Variants in LIPC observed in about 807,000 individuals in gnomAD.
LIPC encodes hepatic triacylglycerol lipase.
A neutral mutation model predicts 50.7 loss-of-function variants in LIPC; 44 were observed. The observed-to-expected ratio is 0.87, with a 90% confidence interval of 0.68 to 1.11. The LOEUF (loss-of-function observed/expected upper bound fraction) is 1.11. Ranked by LOEUF, LIPC falls within the 50% of genes most tolerant of loss-of-function variation. The probability of loss-of-function intolerance (pLI) is 0.00; values close to 1 mark genes in which losing one functional copy is unlikely to be tolerated. For synonymous variants in LIPC, 271 were observed against 256.4 expected, an observed-to-expected ratio of 1.06 and a Z score of -0.54; for missense variants, 697 against 648.2, an observed-to-expected ratio of 1.08 and a Z score of -0.82.
chr15:58,504,853 G>A (rs1254889445), intron 1 of LIPC, among the ~76,000 whole-genome samples: 1 of 152,212 alleles, frequency 6.6e-6, no homozygotes, highest in African/African-American at 2.4e-5. Context: ...ATCTCGAGGA[G>A]AGCTGCGCAT....
chr15:58,567,045 C>T (rs1295142049), intron 8 of LIPC, among the ~76,000 whole-genome samples: 2 of 150,826 alleles, frequency 1.3e-5, no homozygotes, highest in South Asian at 2.1e-4. Flanking sequence ...GGCTAAAATA[C>T]AAAAAAATTA....
At chr15:58,502,789 A>C (rs1341936888) in intron 1 of LIPC, among the ~76,000 whole-genome samples, 1 of 152,150 alleles carries the variant, frequency 6.6e-6, no homozygotes, top group East Asian at 1.9e-4. Context: ...CTTCACTTAC[A>C]CAGTCAAAGA....
chr15:58,450,783 A>C (rs1410601424), intron 1 of LIPC, among the ~76,000 whole-genome samples: 1 of 152,056 alleles, frequency 6.6e-6, no homozygotes, highest in Non-Finnish European at 1.5e-5. Flanking sequence ...CCTGGTATTG[A>C]TAAGAGCCCA....
rs1222316864 is a variant in LIPC, at chr15:58,567,214, A to AAT, written c.1389-1487_1389-1486dup. Among the ~76,000 whole-genome samples, 125 of 136,732 alleles carry AAT rather than the reference A, an allele frequency of 9.1e-4. 4 individuals carry two copies. Among genetic ancestry groups the AAT allele is most frequent in the Middle Eastern group, 3.6e-3 (1 of 274 alleles). 89.7% of individuals were successfully genotyped at this position (136,732 alleles called of 152,430 possible). Reference sequence around the variant, plus strand: ...AGACTCCGTCTCAAAAAAAATAAAAAATATATATATATATATGTATATATG... The same window carrying AAT: ...AGACTCCGTCTCAAAAAAAATAAAAAATATATATATATATATATGTATATATG... On this transcript the variant is annotated intron_variant, in intron 8 of 8. Transcript: ENST00000299022.
rs536217864 is a variant in LIPC, at chr15:58,481,317, C to A, written c.88+49197C>A. 3.3e-5 allele frequency among the ~76,000 whole-genome samples: 5 copies of A among 152,286 alleles called. No homozygotes were observed. In the South Asian group the frequency reaches 8.3e-4, roughly 25 times the overall value. On this transcript the variant is annotated intron_variant, in intron 1 of 8. Transcript: ENST00000299022. ...AAAGATTAAAAAAACCATAAATGTC[C>A]TTTGACACAGTAATTGCACTTATAA...
rs1175496997 is a variant in LIPC at position 58,567,218 on chromosome 15, T to A, written c.1389-1498T>A. ...TCCGTCTCAAAAAAAATAAAAAATA[T>A]ATATATATATATGTATATATGTGTG... On this transcript the variant is annotated intron_variant, in intron 8 of 8. Coordinates refer to ENST00000299022, the MANE Select transcript of LIPC (RefSeq NM_000236.3). 6.0e-3 allele frequency among the ~76,000 whole-genome samples: 650 copies of A among 109,148 alleles called. 28 individuals carry two copies. The highest frequency in any genetic ancestry group is 0.013 in the Admixed American group (137 of 10,516). The allele number at this position is 109,148 out of a possible 152,430, so 71.6% of individuals were successfully genotyped here.
intron 1 of LIPC, among the ~76,000 whole-genome samples, chr15:58,501,525 T>C (rs1209162203): frequency 6.6e-6 from 1 of 152,104 alleles, no homozygotes. Flanking sequence ...TCATAGTTGA[T>C]GATGGGGTGG....
At chr15:58,448,975 T>G (rs1893802848) in intron 1 of LIPC, among the ~76,000 whole-genome samples, 1 of 151,958 alleles carries the variant, frequency 6.6e-6, no homozygotes, top group Non-Finnish European at 1.5e-5. Context: ...TGGCCACACA[T>G]GACGAGAAAA....
rs549130875 is a variant in LIPC, at chr15:58,547,238, C to T, written c.809-1092C>T. Among the ~76,000 whole-genome samples, 364 of 152,324 alleles carry T rather than the reference C, an allele frequency of 2.4e-3. 1 individual carries two copies. Among genetic ancestry groups the T allele is most frequent in the Non-Finnish European group, 4.0e-3 (270 of 68,022 alleles). On this transcript the variant is annotated intron_variant, in intron 5 of 8. Transcript: ENST00000299022. ...AGGGTTCCTGGGGTAGTTCTCCCAG[C>T]CACAGCTGCACAGGGGCTCACTGGA...
chr15:58,543,885 T>G (rs868511461), intron 4 of LIPC, among the ~76,000 whole-genome samples: 3 of 152,160 alleles, frequency 2.0e-5, no homozygotes, highest in African/African-American at 7.2e-5. Flanking sequence ...CCTCCCAAAG[T>G]GCTGGGATTA....
In LIPC at chr15:58,461,358, T is replaced by C. The variant is rs536233356; in HGVS notation, c.88+29238T>C. Among the ~76,000 whole-genome samples, 5 of 152,276 alleles carry C rather than the reference T, an allele frequency of 3.3e-5. No individual in the cohort carries two copies. In the South Asian group the frequency reaches 1.0e-3, roughly 32 times the overall value. ...AGAAACTTGCCCAAAGTCACAAAGC[T>C]GGCAACTCCCAGAGCCAGGATTTGA... On this transcript the variant is annotated intron_variant, in intron 1 of 8. Coordinates refer to ENST00000299022, the MANE Select transcript of LIPC (RefSeq NM_000236.3).
intron 6 of LIPC, among the ~76,000 whole-genome samples, chr15:58,554,578 CACTT>C (rs1188475854): frequency 1.4e-5 from 2 of 145,466 alleles, no homozygotes; most frequent in Admixed American, 6.9e-5. Context: ...TAAAGAAAAA[CACTT>C]ACAAAAATCC....
intron 1 of LIPC, among the ~76,000 whole-genome samples, chr15:58,463,216 G>C (rs1894418989): frequency 6.6e-6 from 1 of 152,240 alleles, no homozygotes; most frequent in African/African-American, 2.4e-5. Flanking sequence ...CATGGACATG[G>C]AGGTGGGAGG....
At chr15:58,439,511 T>C (rs547886127) in intron 1 of LIPC, among the ~76,000 whole-genome samples, 1 of 152,334 alleles carries the variant, frequency 6.6e-6, no homozygotes, top group African/African-American at 2.4e-5. Context: ...TGGCACAGTC[T>C]TGGCTCGCAG....
chr15:58,512,633 G>A (rs1305620900), intron 1 of LIPC, among the ~76,000 whole-genome samples: 3 of 152,176 alleles, frequency 2.0e-5, no homozygotes. Flanking sequence ...TTTTAGGAAG[G>A]CAGATGGAGT....
chr15:58,483,494 G>C (rs1363475727), intron 1 of LIPC, among the ~76,000 whole-genome samples: 1 of 152,174 alleles, frequency 6.6e-6, no homozygotes, highest in Non-Finnish European at 1.5e-5. Context: ...CAGGATGTGG[G>C]TGGGGTTGGA....
At chr15:58,548,639 T>A in intron 6 of LIPC, 67 bp downstream of exon 6, 1 of 1,538,786 alleles carries the variant, frequency 6.5e-7, no homozygotes, top group Non-Finnish European at 8.8e-7. Context: ...GGCTCAGAAG[T>A]CCCCTTGGCT....
chr15:58,498,490 A>C (rs1031855606), intron 1 of LIPC: 1 of 152,320 alleles, frequency 6.6e-6, no homozygotes, highest in African/African-American at 2.4e-5. Flanking sequence ...AGATATATAT[A>C]TATACACACA....
At chr15:58,491,871 G>C (rs758638708) in intron 1 of LIPC, among the ~76,000 whole-genome samples, 1 of 152,200 alleles carries the variant, frequency 6.6e-6, no homozygotes, top group African/African-American at 2.4e-5. Flanking sequence ...TGCCTGCCAC[G>C]TGATTCCTAT....
Sources: gnomAD v4.1 joint callset for allele counts (sites outside exome capture counted in the v4.1 genomes callset) on GRCh38, gnomAD v4.1.1 for gene constraint, MANE v1.5 for transcripts, NCBI Gene and HGNC (gene_info 2026-07-23, HGNC 2026-07-21) for gene names.